The following FHAD1 variants were observed in gnomAD, a reference collection of about 807,000 sequenced individuals.
FHAD1 encodes forkhead-associated domain-containing protein 1.
Under a neutral mutation model 191.3 loss-of-function variants are expected in FHAD1, and 146 were observed. That is an observed-to-expected ratio of 0.76 (90% CI 0.67 to 0.88). The LOEUF (loss-of-function observed/expected upper bound fraction) is 0.88, where lower values mean the gene tolerates loss of function less well. Ranked by LOEUF, FHAD1 falls within the 40% of genes least tolerant of loss-of-function variation. The pLI is 0.00. For missense variants in FHAD1, 1,635 were observed against 1,785.8 expected (o/e 0.92, Z 1.52); for synonymous variants, 616 against 672.3 (o/e 0.92, Z 1.29).
chr1:15,390,971 A>AC (rs943350713), intron 32 of FHAD1, among the ~76,000 whole-genome samples: 2 of 151,800 alleles, frequency 1.3e-5, no homozygotes, highest in Non-Finnish European at 2.9e-5. Flanking sequence ...TAGAACAGAG[A>AC]CCCCCAAGAG....
intron 3 of FHAD1, among the ~76,000 whole-genome samples, chr1:15,281,366 C>A (rs1660526812): frequency 6.6e-6 from 1 of 152,162 alleles, no homozygotes; most frequent in Non-Finnish European, 1.5e-5. Flanking sequence ...TAGAGGACTA[C>A]CTGTATGAAT....
At chr1:15,401,834 C>T (rs766699443), downstream of FHAD1, among the ~76,000 whole-genome samples, 5 of 152,168 alleles carry the variant, frequency 3.3e-5, no homozygotes, top group Non-Finnish European at 5.9e-5. Context: ...TCAGCTTGGC[C>T]TCATTTCCGT....
chr1:15,368,035 G>A (rs951478882), intron 25 of FHAD1, among the ~76,000 whole-genome samples: 1 of 152,116 alleles, frequency 6.6e-6, no homozygotes, highest in African/African-American at 2.4e-5. Flanking sequence ...GCAGTGGAAC[G>A]ATCTTGGCTC....
chr1:15,319,799 A>G (rs1675680582), intron 10 of FHAD1, among the ~76,000 whole-genome samples: 1 of 152,230 alleles, frequency 6.6e-6, no homozygotes, highest in Non-Finnish European at 1.5e-5. Context: ...TTTGCCTACA[A>G]AAGAACTGAT....
intron 2 of FHAD1, among the ~76,000 whole-genome samples, chr1:15,252,520 AT>A: frequency 6.6e-6 from 1 of 152,154 alleles, no homozygotes; most frequent in Admixed American, 6.5e-5. Context: ...CCCTGTCCCT[AT>A]TTTAGCTAGT....
chr1:15,328,636 A>C, intron 13 of FHAD1: 2 of 425,238 alleles, frequency 4.7e-6, no homozygotes, highest in Non-Finnish European at 8.3e-6. Context: ...GGCGTGTCCA[A>C]AAAAGATGCC....
chr1:15,363,943 G>A, intron 23 of FHAD1: 1 of 359,158 alleles, frequency 2.8e-6, no homozygotes, highest in South Asian at 2.1e-5. Flanking sequence ...ATGTCACAGG[G>A]TTTTTACCCC....
chr1:15,389,455 A>AAAAAAAAAACAAAC (rs1464778632), intron 32 of FHAD1, among the ~76,000 whole-genome samples: 24 of 150,530 alleles, frequency 1.6e-4, no homozygotes, highest in African/African-American at 5.9e-4. Context: ...CTCAAAAAAA[A>AAAAAAAAAACAAAC]AAAAAAAAAA....
chr1:15,345,270 C>A, intron 17 of FHAD1, 80 bp downstream of exon 17: 2 of 1,399,980 alleles, frequency 1.4e-6, no homozygotes, highest in Non-Finnish European at 2.0e-6. Context: ...GGTCTGGGCC[C>A]GCCGGCTCTG....
intron 2 of FHAD1, among the ~76,000 whole-genome samples, chr1:15,267,217 T>A (rs1370808045): frequency 1.3e-5 from 2 of 151,866 alleles, no homozygotes; most frequent in African/African-American, 4.9e-5. Flanking sequence ...TATCTCCCCA[T>A]TTTTTTTCTT....
intron 4 of FHAD1, among the ~76,000 whole-genome samples, chr1:15,292,654 G>A (rs1229883216): frequency 1.3e-5 from 2 of 152,208 alleles, no homozygotes; most frequent in Non-Finnish European, 2.9e-5. Flanking sequence ...TGTTGTCCTT[G>A]TGAGAGGAGG....
chr1:15,318,827 A>G lies in FHAD1; in HGVS notation c.1365+899A>G, dbSNP rs570481432. ...GTGACCTCTTTTAGCAACATAACCA[A>G]TTGAAGAGTTGTATAAAAGATGCTT... On this transcript the variant is annotated intron_variant, in intron 10 of 33. Transcript: ENST00000688493. The surrounding 1 kb of genome is among the most constrained non-coding windows in gnomAD (Gnocchi z 4.1). Among the ~76,000 whole-genome samples, 13 of 152,134 alleles carry G rather than the reference A, an allele frequency of 8.5e-5. No individual in the cohort carries two copies. Among genetic ancestry groups the G allele is most frequent in the South Asian group, 2.1e-4 (1 of 4,828 alleles).
At chr1:15,375,183 G>C (rs1699262240) in intron 27 of FHAD1, among the ~76,000 whole-genome samples, 1 of 152,144 alleles carries the variant, frequency 6.6e-6, no homozygotes, top group Non-Finnish European at 1.5e-5. Context: ...TGGTGGCTGG[G>C]TGAGAACTTT....
chr1:15,378,045 T>C (rs1383658976), intron 28 of FHAD1, among the ~76,000 whole-genome samples: 1 of 152,164 alleles, frequency 6.6e-6, no homozygotes, highest in Non-Finnish European at 1.5e-5. Context: ...GGCTCACGCC[T>C]GTAATCCCAA....
intron 32 of FHAD1, among the ~76,000 whole-genome samples, chr1:15,389,880 A>T (rs982524707): frequency 1.3e-5 from 2 of 152,260 alleles, no homozygotes; most frequent in Non-Finnish European, 1.5e-5. Context: ...TATACTTAAA[A>T]CAAAGTATTT....
intron 31 of FHAD1, among the ~76,000 whole-genome samples, chr1:15,385,577 G>A (rs112999335): frequency 1.4e-4 from 21 of 152,252 alleles, no homozygotes; most frequent in African/African-American, 5.1e-4. Context: ...CTTGAGACCA[G>A]CCTGGGCAAC....
At chr1:15,278,685 G>T (rs1659398917) in intron 3 of FHAD1, among the ~76,000 whole-genome samples, 1 of 152,040 alleles carries the variant, frequency 6.6e-6, no homozygotes, top group Admixed American at 6.6e-5. Context: ...TGCTGGCCAG[G>T]CTGGTCTGGA....
intron 1 of FHAD1, among the ~76,000 whole-genome samples, chr1:15,247,887 CTCTTTTGCTCTTTTGCATGG>C (rs1189154754): frequency 6.6e-6 from 1 of 152,184 alleles, no homozygotes; most frequent in African/African-American, 2.4e-5. Flanking sequence ...ATGCCTGAAG[CTCTTTTGCTCTTTTGCATGG>C]TCGGTGCCCT....
chr1:15,304,965 C>T (rs974263848), intron 6 of FHAD1, among the ~76,000 whole-genome samples: 1 of 152,052 alleles, frequency 6.6e-6, no homozygotes, highest in Non-Finnish European at 1.5e-5. Flanking sequence ...GGGTCCCCCC[C>T]GACTCCCACC....
Sources: allele counts gnomAD v4.1 joint callset (sites outside exome capture counted in the v4.1 genomes callset), GRCh38; gene constraint gnomAD v4.1.1; non-coding constraint Gnocchi (gnomAD v3.1); transcripts MANE v1.5; gene names NCBI Gene and HGNC (gene_info 2026-07-23, HGNC 2026-07-21).